Variants in CTIF observed in about 807,000 individuals in gnomAD.
CTIF encodes the protein cap binding complex dependent translation initiation factor.
A neutral mutation model predicts 66.0 loss-of-function variants in CTIF; 21 were observed. The observed-to-expected ratio is 0.32, with a 90% CI of 0.23 to 0.46. The LOEUF (loss-of-function observed/expected upper bound fraction) is 0.46, where lower values mean the gene tolerates loss of function less well. Among genes scored for constraint, CTIF ranks in the 20% least tolerant of loss-of-function variants. The pLI, the probability that CTIF is intolerant of heterozygous loss-of-function variation, is 1.00. For missense variants in CTIF, 739 were observed against 812.7 expected (o/e 0.91, Z 1.10); for synonymous variants, 345 against 326.4 (o/e 1.06, Z -0.62).
Position 48,709,901 on chromosome 18 carries a change from A to G in CTIF, c.508-1718A>G, listed in dbSNP as rs561484022. Among the ~76,000 whole-genome samples, 343 of 152,314 alleles carry G rather than the reference A, an allele frequency of 2.3e-3. 1 individual carries two copies. The highest frequency in any genetic ancestry group is 8.0e-3 in the African/African-American group (332 of 41,566). ...GTTGGAGGCAAGAGAGACGGGGGTGAGAGGAAAGGATTGTTATTAAAATGT... is the reference window on the plus strand; with the variant it reads ...GTTGGAGGCAAGAGAGACGGGGGTGGGAGGAAAGGATTGTTATTAAAATGT... On this transcript the variant is annotated intron_variant, in intron 6 of 11. Coordinates refer to ENST00000256413, the MANE Select transcript of CTIF (RefSeq NM_014772.3).
intron 1 of CTIF, among the ~76,000 whole-genome samples, chr18:48,601,810 C>T (rs763250499): frequency 1.4e-4 from 22 of 152,190 alleles, no homozygotes; most frequent in Non-Finnish European, 2.4e-4. Context: ...ATGGCAGTTT[C>T]CTGGAGGCAG....
At chr18:48,851,720 G>A (rs1450307079) in intron 10 of CTIF, among the ~76,000 whole-genome samples, 2 of 152,044 alleles carry the variant, frequency 1.3e-5, no homozygotes, top group Non-Finnish European at 2.9e-5. Context: ...ATCCGCCTGC[G>A]GCTGCTTCCC....
At chr18:48,792,912 G>A (rs2067824944) in intron 9 of CTIF, among the ~76,000 whole-genome samples, 1 of 152,188 alleles carries the variant, frequency 6.6e-6, no homozygotes, top group Admixed American at 6.5e-5. Flanking sequence ...GATCTGGATA[G>A]AAATAAGCCT....
chr18:48,728,634 C>A (rs994817300), intron 7 of CTIF, among the ~76,000 whole-genome samples: 1 of 152,068 alleles, frequency 6.6e-6, no homozygotes, highest in South Asian at 2.1e-4. Flanking sequence ...CAGGCCTTGG[C>A]TCCTCACTGG....
At chr18:48,756,452 G>A (rs967663528) in intron 7 of CTIF, 3 of 152,284 alleles carry the variant, frequency 2.0e-5, no homozygotes, top group Non-Finnish European at 2.9e-5. Context: ...TAAGTAATAA[G>A]CAATAAGTTG....
chr18:48,568,652 AAAAAAAAAAAAAAAAAG>A (rs1383465704), intron 1 of CTIF, among the ~76,000 whole-genome samples: 5 of 145,312 alleles, frequency 3.4e-5, no homozygotes, highest in African/African-American at 1.2e-4. Flanking sequence ...AAAAAAAAAA[AAAAAAAAAAAAAAAAAG>A]AGGTTTAATG....
intron 7 of CTIF, among the ~76,000 whole-genome samples, chr18:48,722,372 C>T (rs1318818958): frequency 1.3e-5 from 2 of 152,000 alleles, no homozygotes; most frequent in Non-Finnish European, 2.9e-5. Flanking sequence ...CGTGCCACCA[C>T]ACTTGGCTAA....
intron 3 of CTIF, among the ~76,000 whole-genome samples, chr18:48,645,878 A>G (rs1199884302): frequency 6.6e-6 from 1 of 152,222 alleles, no homozygotes; most frequent in Non-Finnish European, 1.5e-5. Context: ...TCCACCTGGC[A>G]ATAATGAGGC....
intron 1 of CTIF, among the ~76,000 whole-genome samples, chr18:48,541,270 G>A (rs1323153978): frequency 1.3e-5 from 2 of 152,206 alleles, no homozygotes. Flanking sequence ...TCTGCGGCCC[G>A]AGGATTATCC....
In CTIF at chr18:48,547,588, A is replaced by G. The variant is rs1265972085; in HGVS notation, c.-29+8276A>G. Among the ~76,000 whole-genome samples, 3 of 152,188 alleles carry G rather than the reference A, an allele frequency of 2.0e-5. No homozygotes were observed. In the East Asian group the frequency reaches 5.8e-4, roughly 29 times the overall value. On this transcript the variant is annotated intron_variant, in intron 1 of 11. Coordinates refer to ENST00000256413, the MANE Select transcript of CTIF (RefSeq NM_014772.3). ...GCGCCTTCCCTTATGTTATAGCTGG[A>G]AAGGCCTTGTACTGAGCTCTGGCCA...
At chr18:48,669,248 C>A (rs1407186093) in intron 5 of CTIF, among the ~76,000 whole-genome samples, 1 of 152,002 alleles carries the variant, frequency 6.6e-6, no homozygotes, top group African/African-American at 2.4e-5. Flanking sequence ...AATGTTTAAA[C>A]AATGAACTAG....
chr18:48,746,077 C>T (rs531649816), intron 7 of CTIF, among the ~76,000 whole-genome samples: 1 of 152,374 alleles, frequency 6.6e-6, no homozygotes, highest in African/African-American at 2.4e-5. Flanking sequence ...AGTGAGGCGG[C>T]TGGCGGCGTT....
rs182691013 is a variant in CTIF, at chr18:48,658,864, C to T, written c.253-4888C>T. Among the ~76,000 whole-genome samples, 46 of 152,236 alleles carry T rather than the reference C, an allele frequency of 3.0e-4. No homozygotes were observed. In the East Asian group the frequency reaches 8.3e-3, roughly 27 times the overall value. On this transcript the variant is annotated intron_variant, in intron 3 of 11. Transcript: ENST00000256413. ...GGCCACTTGGGTGCTCAGCCCAGGGCAAGTGGGCCCTGGGGAAGGACATGT... is the reference window on the plus strand; with the variant it reads ...GGCCACTTGGGTGCTCAGCCCAGGGTAAGTGGGCCCTGGGGAAGGACATGT...
intron 10 of CTIF, among the ~76,000 whole-genome samples, chr18:48,841,905 C>G (rs72915617): frequency 0.032 from 4,819 of 152,284 alleles, 82 homozygotes; most frequent in African/African-American, 0.054. Flanking sequence ...TCCTGCCAGG[C>G]AGGGACTCCT....
intron 6 of CTIF, chr18:48,688,252 C>G (rs1367104862): frequency 6.6e-6 from 1 of 152,296 alleles, no homozygotes; most frequent in Admixed American, 6.5e-5. Flanking sequence ...ATCCTTATTA[C>G]CTGGAAGTGC....
chr18:48,663,673 C>T, intron 3 of CTIF, 79 bp from the exon 4 acceptor site: 1 of 1,320,634 alleles, frequency 7.6e-7, no homozygotes, highest in Non-Finnish European at 1.1e-6. Flanking sequence ...AGCCCCCCAG[C>T]CCCTCAGGCC....
intron 7 of CTIF, among the ~76,000 whole-genome samples, chr18:48,757,121 T>C (rs928621717): frequency 6.6e-6 from 1 of 152,196 alleles, no homozygotes; most frequent in African/African-American, 2.4e-5. Context: ...GCAGCCTCCC[T>C]GGTGTCTCTG....
At chr18:48,782,132 A>C (rs1426226072) in intron 9 of CTIF, among the ~76,000 whole-genome samples, 1 of 151,092 alleles carries the variant, frequency 6.6e-6, no homozygotes, top group East Asian at 1.9e-4. Context: ...GGCCCAGCCA[A>C]GTGAGCCCTG....
At chr18:48,849,582 CTTTTT>C (rs377281281) in intron 10 of CTIF, among the ~76,000 whole-genome samples, 2 of 114,432 alleles carry the variant, frequency 1.7e-5, no homozygotes, top group African/African-American at 3.7e-5. Context: ...CCATTTTAAA[CTTTTT>C]TTTTTTTTTT....
Sources: gnomAD v4.1 joint callset for allele counts (sites outside exome capture counted in the v4.1 genomes callset) on GRCh38, gnomAD v4.1.1 for gene constraint, MANE v1.5 for transcripts, NCBI Gene and HGNC (gene_info 2026-07-23, HGNC 2026-07-21) for gene names.